The following PGAP3 variants were observed in gnomAD, a reference collection of about 807,000 sequenced individuals.
The protein encoded by PGAP3 is post-GPI attachment to proteins phospholipase 3, also known as GPI-specific phospholipase A2-like PGAP3.
In PGAP3, 31 loss-of-function variants were observed where a neutral mutation model predicts 40.3. That is an observed-to-expected ratio of 0.77 (90% confidence interval 0.58 to 1.04). The LOEUF is 1.04. Among genes scored for constraint, PGAP3 ranks in the 50% least tolerant of loss-of-function variants. The pLI is 0.00. For missense variants in PGAP3, 413 were observed against 423.0 expected (o/e 0.98, Z 0.21); for synonymous variants, 191 against 184.5 (o/e 1.04, Z -0.29).
Position 39,685,906 on chromosome 17 carries a change from T to C in PGAP3, c.279+16A>G, listed in dbSNP as rs1213867569. 6.2e-7 allele frequency: 1 copy of C among 1,607,846 alleles called. No homozygotes were observed. The highest frequency in any genetic ancestry group is 8.5e-7 in the Non-Finnish European group (1 of 1,174,906). ...CCACGCTACTACCATATGCCTACCC[T>C]GACCCTCCAACTCACCTTGCCATGG... On this transcript the variant is annotated intron_variant, in intron 2 of 7. Transcript: ENST00000300658.
rs532257048 is a variant in PGAP3, at chr17:39,673,142, C to G, written c.808G>C (p.Glu270Gln). 1 of 1,602,682 alleles carries G rather than the reference C, an allele frequency of 6.2e-7. No individual in the cohort carries two copies. The highest frequency in any genetic ancestry group is 1.1e-5 in the South Asian group (1 of 88,848). The change falls in exon 7 of 8, where the codon GAG (glutamate) becomes CAG (glutamine). Residue 270 changes from glutamate to glutamine, a missense_variant. Transcript: ENST00000300658. ...AAGAGCGGTGGGAAGTCAAGCAGCT[C>G]GAGCAGGGACAGCCCCTGCAGCAGC... ...VLLLQGLSLL[E>Q]LLDFPPLFWV...
At chr17:39,687,080 T>A (rs1383142874) in intron 1 of PGAP3, among the ~76,000 whole-genome samples, 4 of 152,182 alleles carry the variant, frequency 2.6e-5, no homozygotes, top group Non-Finnish European at 4.4e-5. Context: ...TGTGCCCACA[T>A]CTGCCCAGGG....
At chr17:39,681,776 G>A (rs1447050428) in intron 3 of PGAP3, among the ~76,000 whole-genome samples, 1 of 151,902 alleles carries the variant, frequency 6.6e-6, no homozygotes, top group East Asian at 1.9e-4. Flanking sequence ...CCAAAGTGCT[G>A]GGATTACACG....
At chr17:39,684,497 G>C (rs1294009008) in intron 3 of PGAP3, 100 bp downstream of exon 3, 1 of 1,366,514 alleles carries the variant, frequency 7.3e-7, no homozygotes, top group East Asian at 2.6e-5. Context: ...GAAACAGAGG[G>C]GAAGCTGGTA....
intron 3 of PGAP3, among the ~76,000 whole-genome samples, chr17:39,684,231 T>C (rs1205858605): frequency 1.3e-5 from 2 of 149,638 alleles, no homozygotes; most frequent in African/African-American, 5.0e-5. Context: ...TTGCTCCAAG[T>C]CCTCCAGAAG....
intron 3 of PGAP3, 57 bp from the exon 4 acceptor site, chr17:39,674,736 A>AC (rs2057354365): frequency 2.7e-5 from 40 of 1,457,888 alleles, no homozygotes; most frequent in South Asian, 1.7e-4. Flanking sequence ...CAAGGCAGGG[A>AC]CCCCCATTTG....
chr17:39,678,409 C>A (rs950798568), intron 3 of PGAP3, among the ~76,000 whole-genome samples: 1 of 152,196 alleles, frequency 6.6e-6, no homozygotes, highest in African/African-American at 2.4e-5. Flanking sequence ...GCCCCTACTC[C>A]GTGAAGTCAA....
chr17:39,685,700 C>T (rs2057502438), intron 2 of PGAP3, among the ~76,000 whole-genome samples: 1 of 152,098 alleles, frequency 6.6e-6, no homozygotes, highest in Non-Finnish European at 1.5e-5. Context: ...TCTGGGGAGA[C>T]TCCAAAGCCT....
Position 39,684,700 on chromosome 17 carries a change from G to T in PGAP3, c.329C>A (p.Ala110Asp). The change falls in exon 3 of 8, where the codon GCC becomes GAC. Residue 110 changes from alanine (A) to aspartate (D), a missense_variant. Transcript: ENST00000300658. ...LFFQEPASAV[A>D]SFLNGLASLV... ...GCTGGCCAGGCCATTGAGAAACGAG[G>T]CCACGGCCGATGCCGGCTCTTGAAA... 4 of 1,613,612 alleles carry T rather than the reference G, an allele frequency of 2.5e-6. No individual in the cohort carries two copies. Among genetic ancestry groups the T allele is most frequent in the Non-Finnish European group, 3.4e-6 (4 of 1,179,774 alleles).
intron 1 of PGAP3, 110 bp downstream of exon 1, chr17:39,687,724 T>A: frequency 1.2e-6 from 1 of 861,648 alleles, no homozygotes; most frequent in Non-Finnish European, 1.6e-6. Flanking sequence ...CTCACATTCA[T>A]AAGAGACCTC....
Position 39,672,810 on chromosome 17 carries a change from A to G in PGAP3, c.956T>C (p.Leu319Pro), listed in dbSNP as rs2057323592. The change falls in exon 8 of 8, where the codon CTG becomes CCG. Residue 319 changes from leucine (L) to proline (P), a missense_variant. Leu to Pro is a moderately conservative substitution (Grantham distance 98). Coordinates refer to ENST00000300658, the MANE Select transcript of PGAP3 (RefSeq NM_033419.5). ...LLKESEDKFK[L>P]D The stretch of plus-strand genomic sequence containing the variant: ...AGACTCGCTCCAAGGTCTTCAGTCC[A>G]GCTTGAACTTGTCCTCTGATTCCTT... 6.2e-7 allele frequency: 1 copy of G among 1,614,050 alleles called. No homozygotes were observed. The highest frequency in any genetic ancestry group is 8.5e-7 in the Non-Finnish European group (1 of 1,180,018).
intron 1 of PGAP3, among the ~76,000 whole-genome samples, chr17:39,686,552 G>A (rs891397979): frequency 6.4e-5 from 9 of 140,692 alleles, no homozygotes; most frequent in African/African-American, 1.6e-4. Context: ...CACCGCACCC[G>A]GCATTTTTTT....
intron 3 of PGAP3, 46 bp downstream of exon 3, chr17:39,684,551 C>T: frequency 6.4e-7 from 1 of 1,555,198 alleles, no homozygotes. Flanking sequence ...AGAGCTCCAC[C>T]TTCCTAGATA....
chr17:39,686,370 C>T (rs1567880177), intron 1 of PGAP3, among the ~76,000 whole-genome samples: 1 of 151,942 alleles, frequency 6.6e-6, no homozygotes, highest in Admixed American at 6.6e-5. Flanking sequence ...GATTCTCCTG[C>T]CTCAGGCTCC....
chr17:39,673,450 C>G (rs1284931405), intron 6 of PGAP3, 64 bp downstream of exon 6: 2 of 1,605,950 alleles, frequency 1.2e-6, no homozygotes, highest in East Asian at 4.5e-5. Context: ...GGAATGGCAC[C>G]AACCTCCCAC....
chr17:39,687,199 CT>C (rs1245935447), intron 1 of PGAP3, among the ~76,000 whole-genome samples: 1 of 152,220 alleles, frequency 6.6e-6, no homozygotes, highest in African/African-American at 2.4e-5. Flanking sequence ...TTACTACATA[CT>C]GGCTGTGTGA....
Position 39,674,829 on chromosome 17 carries a change from CTA to C in PGAP3, c.433-152_433-151del, listed in dbSNP as rs759027321. ...TGCCCCTGGAGCCCTCTGAACAAAC[CTA>C]TGTCCCTCTACCCCCACCCAGCCAG... On this transcript the variant is annotated intron_variant, in intron 3 of 7. Transcript: ENST00000300658. The C allele has an allele frequency of 4.3e-4, 334 of 783,842 alleles. 2 individuals carry two copies. The Middle Eastern group carries it at 4.4e-3, about 10-fold the overall frequency. 48.6% of individuals were successfully genotyped at this position (783,842 alleles called of 1,614,324 possible).
chr17:39,672,639 G>A lies in PGAP3; in HGVS notation c.*164C>T. The A allele has an allele frequency of 1.4e-6, 1 of 729,348 alleles. No individual in the cohort carries two copies. The allele number at this position is 729,348 out of a possible 1,614,324, so 45.2% of individuals were successfully genotyped here. A position where few individuals can be genotyped will look rare whatever the true frequency, so the allele number is the denominator to read the frequency against. On this transcript the variant is annotated 3_prime_UTR_variant, in exon 8 of 8. Coordinates refer to ENST00000300658, the MANE Select transcript of PGAP3 (RefSeq NM_033419.5). ...CCCTAGAACAGACTCCAAGGCTGGTGAGGGCCAACAGGGGGTGGGCTGGCC... is the reference window on the plus strand; with the variant it reads ...CCCTAGAACAGACTCCAAGGCTGGTAAGGGCCAACAGGGGGTGGGCTGGCC...
intron 3 of PGAP3, among the ~76,000 whole-genome samples, chr17:39,679,152 GC>G (rs2057409971): frequency 6.6e-6 from 1 of 151,996 alleles, no homozygotes; most frequent in African/African-American, 2.4e-5. Flanking sequence ...CACCATGTTG[GC>G]CAGCCTGGTC....
Sources: gnomAD v4.1 joint callset for allele counts (sites outside exome capture counted in the v4.1 genomes callset) on GRCh38, gnomAD v4.1.1 for gene constraint, MANE v1.5 for transcripts, NCBI Gene and HGNC (gene_info 2026-07-23, HGNC 2026-07-21) for gene names.